The following ANKRD9 variants were observed in gnomAD, a reference collection of about 807,000 sequenced individuals.
The protein encoded by ANKRD9 is ankyrin repeat domain-containing protein 9.
Under a neutral mutation model 19.2 loss-of-function variants are expected in ANKRD9, and 13 were observed. The observed-to-expected ratio is 0.68, with a 90% confidence interval of 0.44 to 1.08. The LOEUF (loss-of-function observed/expected upper bound fraction) is 1.08, where lower values mean the gene tolerates loss of function less well. Ranked by LOEUF, ANKRD9 falls within the 50% of genes least tolerant of loss-of-function variation. The pLI is 0.00. For missense variants in ANKRD9, 518 were observed against 499.9 expected (o/e 1.04, Z -0.34); for synonymous variants, 278 against 256.8 (o/e 1.08, Z -0.79).
chr14:102,507,411 C>T lies in ANKRD9; in HGVS notation c.479G>A (p.Gly160Asp). ...RRGCSRVEGGGTSLHVACELA... is the reference protein window; with the variant it reads ...RRGCSRVEGGDTSLHVACELA... ...CTCACAGGCCACGTGCAGCGACGTG[C>T]CACCGCCCTCCACGCGGCTGCAGCC... Residue 160 changes from glycine to aspartate, a missense_variant, in exon 4 of 4, where the codon GGC becomes GAC. Physicochemically the swap from Gly to Asp is moderately conservative, Grantham distance 94 (BLOSUM62 -1). Transcript: ENST00000286918. The surrounding 1 kb of genome is among the most constrained non-coding windows in gnomAD (Gnocchi z 9.2). 2.2e-6 allele frequency: 3 copies of T among 1,363,876 alleles called. No individual in the cohort carries two copies. The highest frequency in any genetic ancestry group is 3.2e-5 in the Admixed American group (1 of 30,922). 84.5% of individuals were successfully genotyped at this position (1,363,876 alleles called of 1,614,324 possible). A position where few individuals can be genotyped will look rare whatever the true frequency, so the allele number is the denominator to read the frequency against.
rs1891469894 is a variant in ANKRD9, at chr14:102,502,579, T to C, written c.*4357A>G. The C allele has an allele frequency of 6.6e-6, 1 of 152,374 alleles. No homozygotes were observed. The highest frequency in any genetic ancestry group is 1.5e-5 in the Non-Finnish European group (1 of 68,008). The allele number at this position is 152,374 out of a possible 1,614,324, so 9.4% of individuals were successfully genotyped here. A position where few individuals can be genotyped will look rare whatever the true frequency, so the allele number is the denominator to read the frequency against. ...TAAAAATCATATTTACAAAGTACAATGGGGGAAATGCTTATACTACATTAA... is the reference window on the plus strand; with the variant it reads ...TAAAAATCATATTTACAAAGTACAACGGGGGAAATGCTTATACTACATTAA... On this transcript the variant is annotated 3_prime_UTR_variant, in exon 4 of 4. Coordinates refer to ENST00000286918, the MANE Select transcript of ANKRD9 (RefSeq NM_152326.4).
At position 102,507,525 on chromosome 14, in the gene ANKRD9, C is replaced by T. The variant is rs1402454316; in HGVS notation, c.365G>A (p.Arg122His). The T allele has an allele frequency of 3.0e-6, 4 of 1,349,612 alleles. No homozygotes were observed. The highest frequency in any genetic ancestry group is 3.8e-6 in the Non-Finnish European group (4 of 1,050,010). 83.6% of individuals were successfully genotyped at this position (1,349,612 alleles called of 1,614,324 possible). A position where few individuals can be genotyped will look rare whatever the true frequency, so the allele number is the denominator to read the frequency against. ...APGPHVALAVRYNRVGILRRI... is the reference protein window; with the variant it reads ...APGPHVALAVHYNRVGILRRI... ...GCGCAGAATGCCCACGCGGTTGTAG[C>T]GCACTGCCAGCGCCACGTGCGGCCC... The change falls in exon 4 of 4, where the codon CGC (arginine) becomes CAC (histidine). Residue 122 changes from arginine to histidine, a missense_variant. Arg to His is a conservative substitution (Grantham distance 29). Coordinates refer to ENST00000286918, the MANE Select transcript of ANKRD9 (RefSeq NM_152326.4). This position sits in a 1 kb window ranked among gnomAD's most constrained non-coding sequence, Gnocchi z 9.2.
At position 102,501,798 on chromosome 14, in the gene ANKRD9, G is replaced by A. The variant is rs554397595; in HGVS notation, c.*5138C>T. 2 of 152,272 alleles carry A rather than the reference G, an allele frequency of 1.3e-5. No individual in the cohort carries two copies. The highest frequency in any genetic ancestry group is 4.8e-5 in the African/African-American group (2 of 41,550). The allele number at this position is 152,272 out of a possible 1,614,324, so 9.4% of individuals were successfully genotyped here. On this transcript the variant is annotated 3_prime_UTR_variant, in exon 4 of 4. Coordinates refer to ENST00000286918, the MANE Select transcript of ANKRD9 (RefSeq NM_152326.4). ...TAAATATATTTATTAAAAACCAATA[G>A]GAGGAGCACTTCGAGTCGAGTGTAA...
chr14:102,507,532 C>T lies in ANKRD9; in HGVS notation c.358G>A (p.Ala120Thr). 1.5e-6 allele frequency: 2 copies of T among 1,342,902 alleles called. No homozygotes were observed. Among genetic ancestry groups the T allele is most frequent in the South Asian group, 1.6e-5 (1 of 61,818 alleles). 83.2% of individuals were successfully genotyped at this position (1,342,902 alleles called of 1,614,324 possible). Residue 120 changes from alanine (A) to threonine (T), a missense_variant, in exon 4 of 4, where the codon GCA becomes ACA. Physicochemically the swap from Ala to Thr is moderately conservative, Grantham distance 58. Transcript: ENST00000286918. This position sits in a 1 kb window ranked among gnomAD's most constrained non-coding sequence, Gnocchi z 9.2. ...CAAPGPHVAL[A>T]VRYNRVGILR... ...ATGCCCACGCGGTTGTAGCGCACTG[C>T]CAGCGCCACGTGCGGCCCGGGAGCC...
intron 1 of ANKRD9, 149 bp downstream of exon 1, chr14:102,509,379 CG>C (rs1891719105): frequency 6.6e-6 from 1 of 151,874 alleles, no homozygotes; most frequent in African/African-American, 2.4e-5. Context: ...CCGGCCTGCA[CG>C]GCCAGACGTC....
Position 102,507,339 on chromosome 14 carries a change from G to A in ANKRD9, c.551C>T (p.Ser184Leu), listed in dbSNP as rs943550356. The A allele has an allele frequency of 7.6e-7, 1 of 1,314,382 alleles. No homozygotes were observed. Among genetic ancestry groups the A allele is most frequent in the Non-Finnish European group, 9.7e-7 (1 of 1,027,974 alleles). 81.4% of individuals were successfully genotyped at this position (1,314,382 alleles called of 1,614,324 possible). ...GCCGCCGCCGTCCCGCAGACCGGGC[G>A]AGGCGCCGTGGCCCAGCAGCAGGAA... ...CLFLLLGHGA[S>L]PGLRDGGGLT... is the part of the protein sequence containing the mutation. The change falls in exon 4 of 4, where the codon TCG becomes TTG. Residue 184 changes from serine (S) to leucine (L), a missense_variant. Physicochemically the swap from Ser to Leu is moderately radical, Grantham distance 145. Coordinates refer to ENST00000286918, the MANE Select transcript of ANKRD9 (RefSeq NM_152326.4). This position sits in a 1 kb window ranked among gnomAD's most constrained non-coding sequence, Gnocchi z 9.2.
Position 102,505,282 on chromosome 14 carries a change from C to CCG in ANKRD9, c.*1653_*1654insCG, listed in dbSNP as rs988941686. 2.0e-5 allele frequency: 3 copies of CCG among 152,004 alleles called. No individual in the cohort carries two copies. Among genetic ancestry groups the CCG allele is most frequent in the African/African-American group, 7.3e-5 (3 of 41,350 alleles). The allele number at this position is 152,004 out of a possible 1,614,324, so 9.4% of individuals were successfully genotyped here. ...TCCAAAGGAGAGGCACCTCCCCCCCCCATGGCATCTCCAATCTGAGGACCT... is the reference window on the plus strand; with the variant it reads ...TCCAAAGGAGAGGCACCTCCCCCCCCCGCATGGCATCTCCAATCTGAGGACCT... On this transcript the variant is annotated 3_prime_UTR_variant, in exon 4 of 4. Transcript: ENST00000286918.
Position 102,503,868 on chromosome 14 carries a change from T to C in ANKRD9, c.*3068A>G, listed in dbSNP as rs1452713500. 1 of 152,210 alleles carries C rather than the reference T, an allele frequency of 6.6e-6. No individual in the cohort carries two copies. Among genetic ancestry groups the C allele is most frequent in the African/African-American group, 2.4e-5 (1 of 41,444 alleles). 9.4% of individuals were successfully genotyped at this position (152,210 alleles called of 1,614,324 possible). A position where few individuals can be genotyped will look rare whatever the true frequency, so the allele number is the denominator to read the frequency against. On this transcript the variant is annotated 3_prime_UTR_variant, in exon 4 of 4. Transcript: ENST00000286918. ...TCTTCTGAATAGGATTTGAGGTAAC[T>C]TAGGAAACTGCTCTCAATACGGAAT...
chr14:102,507,058 G>C lies in ANKRD9; in HGVS notation c.832C>G (p.Leu278Val). 6.4e-7 allele frequency: 1 copy of C among 1,552,420 alleles called. No individual in the cohort carries two copies. Among genetic ancestry groups the C allele is most frequent in the Non-Finnish European group, 8.6e-7 (1 of 1,157,252 alleles). ...AGCACCTGCATGGCGCGCGCGAAGA[G>C]CGAGGGCGGCGCCAGGCCCGCCAGC... is the stretch of plus-strand genomic sequence containing the variant. ...QWLAGLAPPS[L>V]FARAMQVLVT... Residue 278 changes from leucine (L) to valine (V), a missense_variant, in exon 4 of 4, where the codon CTC becomes GTC. Physicochemically the swap from Leu to Val is conservative, Grantham distance 32 (BLOSUM62 1). Coordinates refer to ENST00000286918, the MANE Select transcript of ANKRD9 (RefSeq NM_152326.4). This position sits in a 1 kb window ranked among gnomAD's most constrained non-coding sequence, Gnocchi z 9.2.
In ANKRD9 at chr14:102,507,180, A is replaced by G; in HGVS notation, c.710T>C (p.Leu237Pro). 1 of 1,344,448 alleles carries G rather than the reference A, an allele frequency of 7.4e-7. No homozygotes were observed. The highest frequency in any genetic ancestry group is 9.5e-7 in the Non-Finnish European group (1 of 1,052,864). 83.3% of individuals were successfully genotyped at this position (1,344,448 alleles called of 1,614,324 possible). ...GCCGGCGGCACCCACGGGGGTGTACAGCGCCAGGAGGTCCAGCAGCAGCAG... is the reference window on the plus strand; with the variant it reads ...GCCGGCGGCACCCACGGGGGTGTACGGCGCCAGGAGGTCCAGCAGCAGCAG... ...RRLLLLDLLA[L>P]YTPVGAAGSA... The change falls in exon 4 of 4, where the codon CTG (leucine) becomes CCG (proline). Residue 237 changes from leucine (L) to proline (P), a missense_variant. Coordinates refer to ENST00000286918, the MANE Select transcript of ANKRD9 (RefSeq NM_152326.4). The surrounding 1 kb of genome is among the most constrained non-coding windows in gnomAD (Gnocchi z 9.2).
Position 102,507,578 on chromosome 14 carries a change from A to G in ANKRD9, c.312T>C (p.Ser104=). The part of the protein sequence containing the change: ...TFPRRALAPP[S]AGFRCCAAPG... ...GAGCCGCGCAGCAGCGGAAGCCGGC[A>G]CTGGGCGGTGCGAGCGCGCGCCGCG... is the stretch of plus-strand genomic sequence containing the variant. Residue 104 remains serine, a synonymous_variant, in exon 4 of 4, where the codon AGT becomes AGC. Transcript: ENST00000286918. This position sits in a 1 kb window ranked among gnomAD's most constrained non-coding sequence, Gnocchi z 9.2. 1 of 1,397,958 alleles carries G rather than the reference A, an allele frequency of 7.2e-7. No homozygotes were observed. Among genetic ancestry groups the G allele is most frequent in the Non-Finnish European group, 9.3e-7 (1 of 1,075,618 alleles). The allele number at this position is 1,397,958 out of a possible 1,614,324, so 86.6% of individuals were successfully genotyped here. A position where few individuals can be genotyped will look rare whatever the true frequency, so the allele number is the denominator to read the frequency against.
Position 102,505,425 on chromosome 14 carries a change from G to C in ANKRD9, c.*1511C>G, listed in dbSNP as rs930501729. ...GCACTGGTCCAGGACACACAGCAGC[G>C]GGGAAGTGGAACCCTCACTCCAGCC... is the stretch of plus-strand genomic sequence containing the variant. On this transcript the variant is annotated 3_prime_UTR_variant, in exon 4 of 4. Transcript: ENST00000286918. 3 of 152,268 alleles carry C rather than the reference G, an allele frequency of 2.0e-5. No individual in the cohort carries two copies. The highest frequency in any genetic ancestry group is 2.9e-5 in the Non-Finnish European group (2 of 68,086). 9.4% of individuals were successfully genotyped at this position (152,268 alleles called of 1,614,324 possible). A position where few individuals can be genotyped will look rare whatever the true frequency, so the allele number is the denominator to read the frequency against.
At position 102,509,659 on chromosome 14, in the gene ANKRD9, G is replaced by C. The variant is rs1408057627; in HGVS notation, c.-465C>G. On this transcript the variant is annotated 5_prime_UTR_variant, in exon 1 of 4. Coordinates refer to ENST00000286918, the MANE Select transcript of ANKRD9 (RefSeq NM_152326.4). ...ACGGGAGGGAGCCACCGCCGCCCGC[G>C]CCCGCCGCAGCCGCGCTCTGAGCCG... 6.9e-6 allele frequency: 1 copy of C among 144,510 alleles called. No homozygotes were observed. The highest frequency in any genetic ancestry group is 6.8e-5 in the Admixed American group (1 of 14,626). The allele number at this position is 144,510 out of a possible 1,614,324, so 9.0% of individuals were successfully genotyped here.
chr14:102,507,881 C>A lies in ANKRD9; in HGVS notation c.9G>T (p.Trp3Cys). The A allele has an allele frequency of 8.9e-7, 1 of 1,129,474 alleles. No individual in the cohort carries two copies. The highest frequency in any genetic ancestry group is 1.1e-6 in the Non-Finnish European group (1 of 913,790). 70.0% of individuals were successfully genotyped at this position (1,129,474 alleles called of 1,614,324 possible). MP[W>C]DARRPGGGAD... is the part of the protein sequence containing the mutation. ...CGCCACCCCCAGGCCGCCGCGCGTC[C>A]CACGGCATGCTGGCGGCGGGGCGTT... Residue 3 changes from tryptophan (W) to cysteine (C), a missense_variant, in exon 4 of 4, where the codon TGG becomes TGT. By Grantham distance (215) the Trp-to-Cys change is radical (BLOSUM62 -2). Coordinates refer to ENST00000286918, the MANE Select transcript of ANKRD9 (RefSeq NM_152326.4). The surrounding 1 kb of genome is among the most constrained non-coding windows in gnomAD (Gnocchi z 9.2).
chr14:102,505,669 G>C lies in ANKRD9; in HGVS notation c.*1267C>G, dbSNP rs779045442. ...AGAGGTTTGTCCAAGGTCACCCCCAGAGTGGCGGATCCAGGACCCTGGGCA... is the reference window on the plus strand; with the variant it reads ...AGAGGTTTGTCCAAGGTCACCCCCACAGTGGCGGATCCAGGACCCTGGGCA... On this transcript the variant is annotated 3_prime_UTR_variant, in exon 4 of 4. Coordinates refer to ENST00000286918, the MANE Select transcript of ANKRD9 (RefSeq NM_152326.4). 6.6e-6 allele frequency: 1 copy of C among 152,314 alleles called. No homozygotes were observed. Among genetic ancestry groups the C allele is most frequent in the Non-Finnish European group, 1.5e-5 (1 of 68,122 alleles). 9.4% of individuals were successfully genotyped at this position (152,314 alleles called of 1,614,324 possible). A position where few individuals can be genotyped will look rare whatever the true frequency, so the allele number is the denominator to read the frequency against.
Position 102,509,658 on chromosome 14 carries a change from C to T in ANKRD9, c.-464G>A, listed in dbSNP as rs915270841. ...CACGGGAGGGAGCCACCGCCGCCCG[C>T]GCCCGCCGCAGCCGCGCTCTGAGCC... On this transcript the variant is annotated 5_prime_UTR_variant, in exon 1 of 4. Transcript: ENST00000286918. 6.9e-6 allele frequency: 1 copy of T among 144,874 alleles called. No individual in the cohort carries two copies. Among genetic ancestry groups the T allele is most frequent in the African/African-American group, 2.5e-5 (1 of 40,304 alleles). The allele number at this position is 144,874 out of a possible 1,614,324, so 9.0% of individuals were successfully genotyped here. A position where few individuals can be genotyped will look rare whatever the true frequency, so the allele number is the denominator to read the frequency against.
chr14:102,507,751 CG>C lies in ANKRD9; in HGVS notation c.138del (p.Val47CysfsTer277). ...GCGCGCATATCCTCCAGCAGCCACA[CG>C]GGTAGCAGGTCGCGCACCGCCTGGT... ...AFYQAVRDLL[P>X]VWLLEDMRAS... On this transcript the variant is annotated frameshift_variant, in exon 4 of 4. Transcript: ENST00000286918. LOFTEE classifies it high-confidence loss of function. This position sits in a 1 kb window ranked among gnomAD's most constrained non-coding sequence, Gnocchi z 9.2. 1 of 1,352,720 alleles carries C rather than the reference CG, an allele frequency of 7.4e-7. No homozygotes were observed. The highest frequency in any genetic ancestry group is 1.5e-5 in the African/African-American group (1 of 66,046). 83.8% of individuals were successfully genotyped at this position (1,352,720 alleles called of 1,614,324 possible).
rs1008675700 is a variant in ANKRD9 at position 102,506,679 on chromosome 14, G to C, written c.*257C>G. On this transcript the variant is annotated 3_prime_UTR_variant, in exon 4 of 4. Transcript: ENST00000286918. ...TGTCACCCATCTGGGACGCACACCT[G>C]TCCGAGGCTCTAGATCAAGGTGGGA... is the stretch of plus-strand genomic sequence containing the variant. 9.6e-6 allele frequency: 4 copies of C among 415,624 alleles called. No homozygotes were observed. In the Admixed American group the frequency reaches 1.8e-4, roughly 19 times the overall value. 25.7% of individuals were successfully genotyped at this position (415,624 alleles called of 1,614,324 possible). A position where few individuals can be genotyped will look rare whatever the true frequency, so the allele number is the denominator to read the frequency against.
At position 102,505,279 on chromosome 14, in the gene ANKRD9, C is replaced by G. The variant is rs1231598428; in HGVS notation, c.*1657G>C. ...CCCTCCAAAGGAGAGGCACCTCCCC[C>G]CCCCATGGCATCTCCAATCTGAGGA... On this transcript the variant is annotated 3_prime_UTR_variant, in exon 4 of 4. Transcript: ENST00000286918. The G allele has an allele frequency of 2.0e-5, 3 of 152,062 alleles. No individual in the cohort carries two copies. The highest frequency in any genetic ancestry group is 6.5e-5 in the Admixed American group (1 of 15,270). The allele number at this position is 152,062 out of a possible 1,614,324, so 9.4% of individuals were successfully genotyped here. A position where few individuals can be genotyped will look rare whatever the true frequency, so the allele number is the denominator to read the frequency against.
Sources: allele counts gnomAD v4.1 joint callset, GRCh38; gene constraint gnomAD v4.1.1; non-coding constraint Gnocchi (gnomAD v3.1); transcripts MANE v1.5; gene names NCBI Gene and HGNC (gene_info 2026-07-23, HGNC 2026-07-21).